Variants in NTM observed in about 807,000 individuals in gnomAD.
NTM encodes neurotrimin.
A neutral mutation model predicts 42.1 loss-of-function variants in NTM; 13 were observed. The observed-to-expected ratio is 0.31, with a 90% CI of 0.20 to 0.49. The LOEUF is 0.49. Ranked by LOEUF, NTM falls within the 20% of genes least tolerant of loss-of-function variation. NTM has a pLI of 0.99. For missense variants in NTM, 373 were observed against 452.8 expected (o/e 0.82, Z 1.60); for synonymous variants, 187 against 179.2 (o/e 1.04, Z -0.35).
At chr11:131,607,081 A>T (rs1459292704) in intron 1 of NTM, among the ~76,000 whole-genome samples, 2 of 152,236 alleles carry the variant, frequency 1.3e-5, no homozygotes, top group African/African-American at 2.4e-5. Context: ...GCTCAAACCT[A>T]GCATGCAAGT....
chr11:131,488,434 G>A (rs1264270639), intron 1 of NTM, among the ~76,000 whole-genome samples: 1 of 152,066 alleles, frequency 6.6e-6, no homozygotes, highest in African/African-American at 2.4e-5. Context: ...TTTTTTTATG[G>A]TGGCTGGCTT....
chr11:131,968,805 T>C (rs2063167490), intron 2 of NTM, among the ~76,000 whole-genome samples: 3 of 152,330 alleles, frequency 2.0e-5, no homozygotes, highest in Admixed American at 2.0e-4. Context: ...TTTAGGCAAC[T>C]GAACACAAAG....
intron 1 of NTM, among the ~76,000 whole-genome samples, chr11:131,386,653 A>C (rs1943351560): frequency 6.6e-6 from 1 of 152,218 alleles, no homozygotes; most frequent in South Asian, 2.1e-4. Context: ...ACCTATGTCC[A>C]GGTCCACATG....
chr11:132,074,645 G>T (rs529200901), intron 2 of NTM, among the ~76,000 whole-genome samples: 1 of 151,850 alleles, frequency 6.6e-6, no homozygotes, highest in Non-Finnish European at 1.5e-5. Flanking sequence ...AACACTGTTC[G>T]CAACAACCAA....
chr11:132,062,515 G>GTTTTTTT (rs2080844235), intron 2 of NTM, among the ~76,000 whole-genome samples: 1 of 150,792 alleles, frequency 6.6e-6, no homozygotes, highest in Non-Finnish European at 1.5e-5. Context: ...TTTTATTTGA[G>GTTTTTTT]TAGTAAGGAG....
chr11:131,505,798 T>A (rs2047416020), intron 1 of NTM, among the ~76,000 whole-genome samples: 1 of 152,164 alleles, frequency 6.6e-6, no homozygotes, highest in Non-Finnish European at 1.5e-5. Context: ...ATCTTCTCCT[T>A]CCCCAGAAGG....
At chr11:132,227,564 A>C (rs892860995) in intron 4 of NTM, among the ~76,000 whole-genome samples, 1 of 151,948 alleles carries the variant, frequency 6.6e-6, no homozygotes, top group Non-Finnish European at 1.5e-5. Flanking sequence ...CGGTGTAATT[A>C]CTTGTCTCGG....
At chr11:132,041,077 C>G (rs1168322632) in intron 2 of NTM, among the ~76,000 whole-genome samples, 1 of 152,072 alleles carries the variant, frequency 6.6e-6, no homozygotes, top group Non-Finnish European at 1.5e-5. Flanking sequence ...TCTTCAATAC[C>G]CCACATTTAA....
At chr11:131,776,695 T>C (rs564748944) in intron 1 of NTM, among the ~76,000 whole-genome samples, 19 of 152,054 alleles carry the variant, frequency 1.2e-4, no homozygotes, top group Non-Finnish European at 2.2e-4. Context: ...ACAAAACAAA[T>C]GTTTATTTTT....
intron 1 of NTM, among the ~76,000 whole-genome samples, chr11:131,782,280 C>A: frequency 6.7e-6 from 1 of 149,112 alleles, no homozygotes; most frequent in African/African-American, 2.5e-5. Flanking sequence ...CAACAAATGT[C>A]AAATTAGATG....
chr11:131,501,725 C>G (rs542727569), intron 1 of NTM, among the ~76,000 whole-genome samples: 2 of 152,260 alleles, frequency 1.3e-5, no homozygotes, highest in East Asian at 3.9e-4. Flanking sequence ...CCAGTTACAA[C>G]AGCATTTGTT....
At chr11:132,010,082 T>C (rs778587544) in intron 2 of NTM, among the ~76,000 whole-genome samples, 31 of 152,194 alleles carry the variant, frequency 2.0e-4, no homozygotes, top group Non-Finnish European at 3.2e-4. Context: ...ACAGATAATT[T>C]TGGAATTTTT....
chr11:132,123,903 C>T (rs1033822917), intron 2 of NTM, among the ~76,000 whole-genome samples: 1 of 152,154 alleles, frequency 6.6e-6, no homozygotes, highest in Admixed American at 6.5e-5. Flanking sequence ...ACAGAAACCA[C>T]GAGGCAGAGT....
intron 2 of NTM, among the ~76,000 whole-genome samples, chr11:131,987,381 A>G (rs1457390867): frequency 2.5e-5 from 1 of 39,506 alleles, no homozygotes; most frequent in Non-Finnish European, 8.2e-5. Context: ...TATTCCTCCT[A>G]TTCTATTCTA....
At chr11:131,559,151 C>T (rs747522795) in intron 1 of NTM, among the ~76,000 whole-genome samples, 2 of 152,284 alleles carry the variant, frequency 1.3e-5, no homozygotes, top group Admixed American at 6.5e-5. Context: ...TTACTTCCCA[C>T]GGCCAGCGTG....
chr11:131,761,934 G>A (rs550414662), intron 1 of NTM, among the ~76,000 whole-genome samples: 1 of 151,882 alleles, frequency 6.6e-6, no homozygotes, highest in East Asian at 2.0e-4. Flanking sequence ...ACTATGTGAG[G>A]ATACAATGGG....
chr11:131,447,860 G>T (rs999881463), intron 1 of NTM, among the ~76,000 whole-genome samples: 1 of 152,200 alleles, frequency 6.6e-6, no homozygotes, highest in Non-Finnish European at 1.5e-5. Flanking sequence ...ATCATGCACC[G>T]CAGATGAGGG....
At chr11:131,821,238 A>G (rs1487941596) in intron 1 of NTM, among the ~76,000 whole-genome samples, 1 of 152,212 alleles carries the variant, frequency 6.6e-6, no homozygotes, top group African/African-American at 2.4e-5. Flanking sequence ...TCCTAATGGA[A>G]CTGGGAACTC....
chr11:132,314,329 TAGG>T (rs1426203885), intron 6 of NTM, among the ~76,000 whole-genome samples: 1 of 152,194 alleles, frequency 6.6e-6, no homozygotes, highest in East Asian at 1.9e-4. Flanking sequence ...GATGTTCTGG[TAGG>T]AGTGCCCCTG....
Sources: gnomAD v4.1 joint callset for allele counts (sites outside exome capture counted in the v4.1 genomes callset) on GRCh38, gnomAD v4.1.1 for gene constraint, MANE v1.5 for transcripts, NCBI Gene and HGNC (gene_info 2026-07-23, HGNC 2026-07-21) for gene names.